The following BBS5 variants were observed in gnomAD, a reference collection of about 807,000 sequenced individuals.
The protein encoded by BBS5 is Bardet-Biedl syndrome 5.
A neutral mutation model predicts 50.2 loss-of-function variants in BBS5; 39 were observed. That is an observed-to-expected ratio of 0.78 (90% CI 0.60 to 1.01). The LOEUF (loss-of-function observed/expected upper bound fraction) is 1.01. Among genes scored for constraint, BBS5 ranks in the 50% least tolerant of loss-of-function variants. The pLI is 0.00. For missense variants in BBS5, 356 were observed against 401.5 expected, an observed-to-expected ratio of 0.89 and a Z score of 0.97; for synonymous variants, 134 against 133.1, an observed-to-expected ratio of 1.01 and a Z score of -0.05.
At position 169,504,800 on chromosome 2, in the gene BBS5, C is replaced by T; in HGVS notation, c.*218C>T. 2 of 1,545,362 alleles carry T rather than the reference C, an allele frequency of 1.3e-6. No individual in the cohort carries two copies. The highest frequency in any genetic ancestry group is 1.2e-5 in the South Asian group (1 of 85,062). On this transcript the variant is annotated 3_prime_UTR_variant, in exon 12 of 12. Coordinates refer to ENST00000295240, the MANE Select transcript of BBS5 (RefSeq NM_152384.3). ...CAGCGACACATGGCCTAGTAACCGT[C>T]CGGCCGCGGCGCTGGCTTAAGCCAT...
chr2:169,490,122 G>A (rs757390448), intron 5 of BBS5, among the ~76,000 whole-genome samples: 102 of 147,216 alleles, frequency 6.9e-4, no homozygotes, highest in Non-Finnish European at 1.2e-3. Context: ...TGATCTGCCC[G>A]CCTCAGCCTC....
At position 169,499,487 on chromosome 2, in the gene BBS5, G is replaced by A. The variant is rs1412783624; in HGVS notation, c.683G>A (p.Ser228Asn). 1 of 1,612,908 alleles carries A rather than the reference G, an allele frequency of 6.2e-7. No individual in the cohort carries two copies. The highest frequency in any genetic ancestry group is 8.5e-7 in the Non-Finnish European group (1 of 1,179,240). ...LALVIESSQQ[S>N]GGYVLGFKID... ...TTTTTATTATTTTTTCTCTTGTAGA[G>A]TGGTGGATATGTTCTTGGCTTTAAA... The change falls in exon 9 of 12, where the codon AGT becomes AAT. Residue 228 changes from serine (S) to asparagine (N), a missense_variant and splice_region_variant. Coordinates refer to ENST00000295240, the MANE Select transcript of BBS5 (RefSeq NM_152384.3).
intron 8 of BBS5, 93 bp downstream of exon 8, chr2:169,497,782 T>C: frequency 1.2e-6 from 1 of 810,208 alleles, no homozygotes; most frequent in Non-Finnish European, 2.1e-6. Flanking sequence ...TCAGTTTACA[T>C]CTGAGAAGAA....
Position 169,505,352 on chromosome 2 carries a change from A to T in BBS5, c.*770A>T. ...TGCCTTGGCCTCCCGAAGTGCCAAG[A>T]GTGCAGCCTCTGCCCGGCCGCCACC... is the stretch of plus-strand genomic sequence containing the variant. On this transcript the variant is annotated 3_prime_UTR_variant, in exon 12 of 12. Transcript: ENST00000295240. 2.8e-6 allele frequency: 1 copy of T among 360,004 alleles called. No homozygotes were observed. Among genetic ancestry groups the T allele is most frequent in the Non-Finnish European group, 5.3e-6 (1 of 188,154 alleles). The allele number at this position is 360,004 out of a possible 1,614,324, so 22.3% of individuals were successfully genotyped here. A position where few individuals can be genotyped will look rare whatever the true frequency, so the allele number is the denominator to read the frequency against.
Position 169,498,806 on chromosome 2 carries a change from CAAAAAA to C in BBS5, c.682-667_682-662del, listed in dbSNP as rs368910049. ...TGGCCGACAGAGCGAGACTCTGTCTCAAAAAAAAAAAAAAAAAAGAAAGGAAGGTTA... is the reference window on the plus strand; with the variant it reads ...TGGCCGACAGAGCGAGACTCTGTCTCAAAAAAAAAAAAGAAAGGAAGGTTA... On this transcript the variant is annotated intron_variant, in intron 8 of 11. Coordinates refer to ENST00000295240, the MANE Select transcript of BBS5 (RefSeq NM_152384.3). 2.6e-4 allele frequency among the ~76,000 whole-genome samples: 19 copies of C among 72,098 alleles called. No individual in the cohort carries two copies. In the East Asian group the frequency reaches 6.2e-3, roughly 24 times the overall value. The allele number at this position is 72,098 out of a possible 152,430, so 47.3% of individuals were successfully genotyped here.
chr2:169,482,129 AT>A (rs11339697), intron 1 of BBS5, 121 bp from the exon 2 acceptor site: 70,659 of 750,328 alleles, frequency 0.094, 4,399 homozygotes, highest in South Asian at 0.2. Context: ...ATGCATGAAC[AT>A]TTGGTACAGT....
chr2:169,491,589 A>G (rs1271489761), intron 5 of BBS5, among the ~76,000 whole-genome samples: 2 of 152,168 alleles, frequency 1.3e-5, no homozygotes, highest in Non-Finnish European at 1.5e-5. Context: ...TATTATCAAT[A>G]GACATTGAAA....
Position 169,505,094 on chromosome 2 carries a change from A to C in BBS5, c.*512A>C. The C allele has an allele frequency of 9.2e-7, 1 of 1,081,906 alleles. No homozygotes were observed. 67.0% of individuals were successfully genotyped at this position (1,081,906 alleles called of 1,614,324 possible). On this transcript the variant is annotated 3_prime_UTR_variant, in exon 12 of 12. Coordinates refer to ENST00000295240, the MANE Select transcript of BBS5 (RefSeq NM_152384.3). ...CTCAGCCTGCCGAGTGCCTGCGATT[A>C]CAGGCGCGCGCCGCCACACCTGACT...
Position 169,487,974 on chromosome 2 carries a change from T to A in BBS5, c.259-13T>A, listed in dbSNP as rs774961445. The A allele has an allele frequency of 6.2e-7, 1 of 1,613,384 alleles. No individual in the cohort carries two copies. Among genetic ancestry groups the A allele is most frequent in the Non-Finnish European group, 8.5e-7 (1 of 1,179,526 alleles). On this transcript the variant is annotated splice_polypyrimidine_tract_variant and intron_variant, in intron 4 of 11. Coordinates refer to ENST00000295240, the MANE Select transcript of BBS5 (RefSeq NM_152384.3). ...CTTAAAATCTGAACTTTTAAATAAATTTGTCCTTACAGAAATTACGAGGCC... is the reference window on the plus strand; with the variant it reads ...CTTAAAATCTGAACTTTTAAATAAAATTGTCCTTACAGAAATTACGAGGCC...
In BBS5 at chr2:169,480,670, CTTTTTTTTTTTTTT is replaced by C. The variant is rs577688589; in HGVS notation, c.59+1073_59+1086del. Among the ~76,000 whole-genome samples the C allele has an allele frequency of 8.2e-5, 6 of 73,202 alleles. No homozygotes were observed. In the South Asian group the frequency reaches 4.0e-3, roughly 49 times the overall value. The allele number at this position is 73,202 out of a possible 152,430, so 48.0% of individuals were successfully genotyped here. ...ACTTTCTATGACATTTTCTGTCATT[CTTTTTTTTTTTTTT>C]TTTTTTTTTTTTTTGAGACAGAGTT... On this transcript the variant is annotated intron_variant, in intron 1 of 11. Transcript: ENST00000295240.
At chr2:169,486,310 C>A (rs1683488288) in intron 2 of BBS5, among the ~76,000 whole-genome samples, 1 of 152,118 alleles carries the variant, frequency 6.6e-6, no homozygotes, top group Non-Finnish European at 1.5e-5. Context: ...CAAAGTGAGT[C>A]TTATTATTTC....
chr2:169,480,941 G>T (rs1414801868), intron 1 of BBS5, among the ~76,000 whole-genome samples: 2 of 152,138 alleles, frequency 1.3e-5, no homozygotes, highest in East Asian at 1.9e-4. Flanking sequence ...GCCTCCCAAA[G>T]TGCTGGGATT....
At chr2:169,483,507 A>T (rs1683436501) in intron 2 of BBS5, among the ~76,000 whole-genome samples, 1 of 152,188 alleles carries the variant, frequency 6.6e-6, no homozygotes, top group South Asian at 2.1e-4. Context: ...ATATGTCCCT[A>T]ATAGATGGCA....
intron 7 of BBS5, 129 bp from the exon 8 acceptor site, chr2:169,497,498 G>C: frequency 1.6e-6 from 1 of 621,022 alleles, no homozygotes; most frequent in East Asian, 2.7e-5. Context: ...GTTTAATGAA[G>C]GAAGGAGGGA....
rs1683514448 is a variant in BBS5 at position 169,487,975 on chromosome 2, T to TTGTCC, written c.259-10_259-6dup. 1 of 1,613,376 alleles carries TTGTCC rather than the reference T, an allele frequency of 6.2e-7. No individual in the cohort carries two copies. The highest frequency in any genetic ancestry group is 8.5e-7 in the Non-Finnish European group (1 of 1,179,530). On this transcript the variant is annotated splice_polypyrimidine_tract_variant and intron_variant, in intron 4 of 11. Transcript: ENST00000295240. ...TTAAAATCTGAACTTTTAAATAAAT[T>TTGTCC]TGTCCTTACAGAAATTACGAGGCCA...
intron 2 of BBS5, among the ~76,000 whole-genome samples, chr2:169,483,143 T>C (rs1683429917): frequency 6.6e-6 from 1 of 152,116 alleles, no homozygotes; most frequent in Admixed American, 6.5e-5. Flanking sequence ...CAATAACTCA[T>C]AGAGAAGGAA....
chr2:169,501,585 T>A (rs1033957734), intron 9 of BBS5, among the ~76,000 whole-genome samples: 14 of 151,998 alleles, frequency 9.2e-5, no homozygotes, highest in Non-Finnish European at 1.8e-4. Context: ...AAATTTTTTT[T>A]AAATTTTAAA....
intron 9 of BBS5, among the ~76,000 whole-genome samples, chr2:169,500,429 C>A (rs1398308281): frequency 6.6e-6 from 1 of 152,210 alleles, no homozygotes; most frequent in African/African-American, 2.4e-5. Context: ...TCCATTTGCT[C>A]CACTGCCATT....
chr2:169,480,212 T>C (rs1279749170), intron 1 of BBS5, among the ~76,000 whole-genome samples: 2 of 152,226 alleles, frequency 1.3e-5, no homozygotes, highest in Admixed American at 6.5e-5. Flanking sequence ...GAGTCTTCTT[T>C]TGCAACCTGT....
Sources: gnomAD v4.1 joint callset for allele counts (sites outside exome capture counted in the v4.1 genomes callset) on GRCh38, gnomAD v4.1.1 for gene constraint, MANE v1.5 for transcripts, NCBI Gene and HGNC (gene_info 2026-07-23, HGNC 2026-07-21) for gene names.